The following ROCK2 variants were observed in gnomAD, a reference collection of about 807,000 sequenced individuals.
ROCK2 encodes the protein Rho associated coiled-coil containing protein kinase 2, also known as rho-associated protein kinase 2.
Under a neutral mutation model 195.1 loss-of-function variants are expected in ROCK2, and 61 were observed. That is an observed-to-expected ratio of 0.31 (90% confidence interval 0.25 to 0.39). The LOEUF (loss-of-function observed/expected upper bound fraction) is 0.39. Among genes scored for constraint, ROCK2 ranks in the 10% least tolerant of loss-of-function variants. ROCK2 has a pLI of 1.00. For missense variants in ROCK2, 1,109 were observed against 1,637.4 expected (o/e 0.68, Z 5.57); for synonymous variants, 504 against 545.5 (o/e 0.92, Z 1.06).
At chr2:11,263,981 A>G (rs1376522025) in intron 3 of ROCK2, among the ~76,000 whole-genome samples, 2 of 41,754 alleles carry the variant, frequency 4.8e-5, no homozygotes, top group African/African-American at 1.1e-4. Flanking sequence ...AAAAAAGATG[A>G]AAAAAAAAAA....
At chr2:11,325,124 T>G (rs1668508721) in intron 1 of ROCK2, among the ~76,000 whole-genome samples, 1 of 152,246 alleles carries the variant, frequency 6.6e-6, no homozygotes, top group Non-Finnish European at 1.5e-5. Flanking sequence ...AGCTGACCCT[T>G]AACATGGGTT....
chr2:11,344,174 T>C lies in ROCK2; in HGVS notation c.-38A>G. 9 of 1,390,120 alleles carry C rather than the reference T, an allele frequency of 6.5e-6. No homozygotes were observed. The highest frequency in any genetic ancestry group is 8.4e-6 in the Non-Finnish European group (9 of 1,076,362). 86.1% of individuals were successfully genotyped at this position (1,390,120 alleles called of 1,614,324 possible). On this transcript the variant is annotated 5_prime_UTR_variant, in exon 1 of 33. Coordinates refer to ENST00000315872, the MANE Select transcript of ROCK2 (RefSeq NM_004850.5). The surrounding 1 kb of genome is among the most constrained non-coding windows in gnomAD (Gnocchi z 5.4). Reference sequence around the variant, plus strand: ...GGACCCGCACTCAGGCTCCTCGCGCTCAGGTCCCGCAGCCTCGGGGCCTAG... The same window carrying C: ...GGACCCGCACTCAGGCTCCTCGCGCCCAGGTCCCGCAGCCTCGGGGCCTAG...
At chr2:11,262,882 T>C (rs1242097843) in intron 3 of ROCK2, among the ~76,000 whole-genome samples, 1 of 152,192 alleles carries the variant, frequency 6.6e-6, no homozygotes, top group Non-Finnish European at 1.5e-5. Flanking sequence ...TTTTCAAATT[T>C]ATTTTTATTA....
At chr2:11,262,997 TTC>T (rs1666286391) in intron 3 of ROCK2, among the ~76,000 whole-genome samples, 1 of 152,194 alleles carries the variant, frequency 6.6e-6, no homozygotes, top group African/African-American at 2.4e-5. Context: ...TTCTCACATT[TTC>T]TGTTTGTGGC....
At chr2:11,281,922 C>G (rs889489325) in intron 3 of ROCK2, among the ~76,000 whole-genome samples, 1 of 152,044 alleles carries the variant, frequency 6.6e-6, no homozygotes, top group Non-Finnish European at 1.5e-5. Flanking sequence ...GATACCGGTT[C>G]TTCAAATATA....
intron 1 of ROCK2, among the ~76,000 whole-genome samples, chr2:11,317,958 T>C (rs1558389012): frequency 6.6e-6 from 1 of 152,158 alleles, no homozygotes; most frequent in Non-Finnish European, 1.5e-5. Flanking sequence ...TCCTTTCTTA[T>C]GGCTGCATTG....
At chr2:11,334,607 G>C (rs1032733484) in intron 1 of ROCK2, among the ~76,000 whole-genome samples, 12 of 151,114 alleles carry the variant, frequency 7.9e-5, no homozygotes, top group African/African-American at 2.4e-4. Flanking sequence ...CTCATATTCT[G>C]TGCATTAAAT....
chr2:11,216,970 C>T (rs549053468), intron 12 of ROCK2, 120 bp downstream of exon 12: 4 of 530,716 alleles, frequency 7.5e-6, no homozygotes, highest in African/African-American at 2.0e-5. Flanking sequence ...GATCCACCCA[C>T]CTCGGCCTCC....
Position 11,198,751 on chromosome 2 carries a change from T to C in ROCK2, c.2934A>G (p.Leu978=), listed in dbSNP as rs1246414170. The C allele has an allele frequency of 6.2e-7, 1 of 1,603,708 alleles. No homozygotes were observed. The highest frequency in any genetic ancestry group is 1.7e-5 in the Admixed American group (1 of 58,656). Residue 978 remains leucine (L), a synonymous_variant, in exon 24 of 33, where the codon CTA becomes CTG. Coordinates refer to ENST00000315872, the MANE Select transcript of ROCK2 (RefSeq NM_004850.5). ...IASLEETNRT[L]TSDVANLANE... is the part of the protein sequence containing the mutation. The stretch of plus-strand genomic sequence containing the variant: ...TTGCAAGATTGGCAACATCACTAGT[T>C]AGTGTCCTATTAGTTTCCTCAAGCT...
rs1663716444 is a variant in ROCK2 at position 11,198,375 on chromosome 2, A to T, written c.3099+116T>A. 3 of 686,466 alleles carry T rather than the reference A, an allele frequency of 4.4e-6. No homozygotes were observed. The South Asian group carries it at 6.3e-5, about 14-fold the overall frequency. The allele number at this position is 686,466 out of a possible 1,614,324, so 42.5% of individuals were successfully genotyped here. ...GCAAAAATCAGGTAATTGTGACTTCACAAATATTGGTACATTCGATGACTA... is the reference window on the plus strand; with the variant it reads ...GCAAAAATCAGGTAATTGTGACTTCTCAAATATTGGTACATTCGATGACTA... On this transcript the variant is annotated intron_variant, in intron 25 of 32. Transcript: ENST00000315872.
At position 11,326,273 on chromosome 2, in the gene ROCK2, G is replaced by C. The variant is rs1668547491; in HGVS notation, c.141+17723C>G. Among the ~76,000 whole-genome samples the C allele has an allele frequency of 2.6e-5, 4 of 151,966 alleles. No individual in the cohort carries two copies. In the South Asian group the frequency reaches 8.3e-4, roughly 32 times the overall value. Reference sequence around the variant, plus strand: ...AACATTTCCATTTGGCAGAAGAAGAGAAGGCAGCAAAGGAGCCTAAGGAGA... The same window carrying C: ...AACATTTCCATTTGGCAGAAGAAGACAAGGCAGCAAAGGAGCCTAAGGAGA... On this transcript the variant is annotated intron_variant, in intron 1 of 32. Transcript: ENST00000315872.
intron 5 of ROCK2, among the ~76,000 whole-genome samples, chr2:11,229,908 T>C (rs1416733422): frequency 6.6e-6 from 1 of 152,176 alleles, no homozygotes; most frequent in African/African-American, 2.4e-5. Context: ...CCAAGAGTTT[T>C]ACTGTTCACG....
chr2:11,328,312 G>A (rs931712551), intron 1 of ROCK2, among the ~76,000 whole-genome samples: 1 of 152,046 alleles, frequency 6.6e-6, no homozygotes, highest in Non-Finnish European at 1.5e-5. Flanking sequence ...ATTTGGGGGG[G>A]GAAACAGGCT....
At chr2:11,227,163 G>A in intron 6 of ROCK2, 91 bp downstream of exon 6, 2 of 1,208,494 alleles carry the variant, frequency 1.7e-6, no homozygotes, top group Non-Finnish European at 2.3e-6. Context: ...CTACGACAAA[G>A]GCAATTAATT....
intron 13 of ROCK2, among the ~76,000 whole-genome samples, chr2:11,215,925 A>C (rs919496591): frequency 6.6e-6 from 1 of 152,178 alleles, no homozygotes; most frequent in African/African-American, 2.4e-5. Context: ...TATGAATAGC[A>C]TTTTTTTCCC....
intron 7 of ROCK2, among the ~76,000 whole-genome samples, chr2:11,223,713 A>G (rs1020232289): frequency 5.3e-5 from 8 of 152,194 alleles, no homozygotes; most frequent in Non-Finnish European, 8.8e-5. Flanking sequence ...GATGACTCCT[A>G]TCACAAATAT....
In ROCK2 at chr2:11,287,677, G is replaced by A; in HGVS notation, c.201C>T (p.Asn67=). The part of the protein sequence containing the change: ...LDFPALRKNK[N]IDNFLNRYEK... The stretch of plus-strand genomic sequence containing the variant: ...TACATCTATTTAAGAAATTATCTAT[G>A]TTCTTGTTTTTCCTCAAAGCAGGAA... The change falls in exon 2 of 33, where the codon AAC becomes AAT. Residue 67 remains asparagine, a synonymous_variant. Transcript: ENST00000315872. 1 of 1,242,836 alleles carries A rather than the reference G, an allele frequency of 8.0e-7. No homozygotes were observed. Among genetic ancestry groups the A allele is most frequent in the Non-Finnish European group, 1.1e-6 (1 of 917,030 alleles). The allele number at this position is 1,242,836 out of a possible 1,614,324, so 77.0% of individuals were successfully genotyped here. A position where few individuals can be genotyped will look rare whatever the true frequency, so the allele number is the denominator to read the frequency against.
At chr2:11,255,267 T>C (rs1353216845) in intron 3 of ROCK2, among the ~76,000 whole-genome samples, 2 of 146,334 alleles carry the variant, frequency 1.4e-5, no homozygotes, top group Non-Finnish European at 3.0e-5. Context: ...TTTCCACACA[T>C]CTACATTTAC....
rs543083455 is a variant in ROCK2, at chr2:11,251,616, T to G, written c.325-1818A>C. 2.0e-5 allele frequency among the ~76,000 whole-genome samples: 3 copies of G among 152,302 alleles called. No homozygotes were observed. The South Asian group carries it at 6.2e-4, about 32-fold the overall frequency. ...GACACAAGCATGGGCAAAGACTTCA[T>G]GACAAAAACACCAAAAGGAATGGCA... is the stretch of plus-strand genomic sequence containing the variant. On this transcript the variant is annotated intron_variant, in intron 3 of 32. Coordinates refer to ENST00000315872, the MANE Select transcript of ROCK2 (RefSeq NM_004850.5).
Sources: gnomAD v4.1 joint callset for allele counts (sites outside exome capture counted in the v4.1 genomes callset) on GRCh38, gnomAD v4.1.1 for gene constraint, Gnocchi (gnomAD v3.1) non-coding constraint, MANE v1.5 for transcripts, NCBI Gene and HGNC (gene_info 2026-07-23, HGNC 2026-07-21) for gene names.